Variants in EMC1 observed in about 807,000 individuals in gnomAD.
EMC1 encodes ER membrane protein complex subunit 1, also known as KIAA0090.
A neutral mutation model predicts 128.8 loss-of-function variants in EMC1; 103 were observed. The observed-to-expected ratio is 0.80, with a 90% CI of 0.68 to 0.94. The LOEUF is 0.94. Ranked by LOEUF, EMC1 falls within the 40% of genes least tolerant of loss-of-function variation. The pLI is 0.00. For synonymous variants in EMC1, 442 were observed against 490.4 expected, an observed-to-expected ratio of 0.90 and a Z score of 1.30; for missense variants, 1,083 against 1,250.6, an observed-to-expected ratio of 0.87 and a Z score of 2.02.
At position 19,245,627 on chromosome 1, in the gene EMC1, C is replaced by CTTTTGTTT. The variant is rs1553254684; in HGVS notation, c.96-598_96-597insAAACAAAA. Reference sequence around the variant, plus strand: ...ACACCCAAAAGGGCACCTTACCTTTCTTTTTTTTTTTTTTGAGACGAAGTC... The same window carrying CTTTTGTTT: ...ACACCCAAAAGGGCACCTTACCTTTCTTTTGTTTTTTTTTTTTTTTTTGAGACGAAGTC... On this transcript the variant is annotated intron_variant, in intron 1 of 22. Transcript: ENST00000477853. Among the ~76,000 whole-genome samples the CTTTTGTTT allele has an allele frequency of 3.2e-5, 4 of 123,140 alleles. 1 individual carries two copies. Among genetic ancestry groups the CTTTTGTTT allele is most frequent in the Non-Finnish European group, 4.8e-5 (3 of 62,108 alleles). The allele number at this position is 123,140 out of a possible 152,430, so 80.8% of individuals were successfully genotyped here.
At chr1:19,250,959 A>G (rs1269575057) in intron 1 of EMC1, among the ~76,000 whole-genome samples, 1 of 152,214 alleles carries the variant, frequency 6.6e-6, no homozygotes, top group African/African-American at 2.4e-5. Flanking sequence ...GACTAGGTTG[A>G]TGAGAGGGGA....
At chr1:19,248,320 C>T (rs1280491686) in intron 1 of EMC1, among the ~76,000 whole-genome samples, 4 of 152,170 alleles carry the variant, frequency 2.6e-5, no homozygotes, top group Admixed American at 2.6e-4. Flanking sequence ...ACCTCAGCCT[C>T]CCGAGTAGCT....
chr1:19,242,690 C>G (rs12042358), intron 4 of EMC1, among the ~76,000 whole-genome samples: 30 of 152,362 alleles, frequency 2.0e-4, no homozygotes, highest in Admixed American at 5.9e-4. Flanking sequence ...CTGAAACCAT[C>G]TGTATCTCCT....
intron 18 of EMC1, among the ~76,000 whole-genome samples, chr1:19,225,775 C>T (rs2093468084): frequency 6.7e-6 from 1 of 150,280 alleles, no homozygotes; most frequent in Non-Finnish European, 1.5e-5. Context: ...GCTGTGATCA[C>T]ACCACTGCAC....
rs987984046 is a variant in EMC1, at chr1:19,222,841, G to A, written c.2377-7C>T. 1 of 1,594,582 alleles carries A rather than the reference G, an allele frequency of 6.3e-7. No individual in the cohort carries two copies. The highest frequency in any genetic ancestry group is 1.7e-4 in the Middle Eastern group (1 of 5,970). On this transcript the variant is annotated splice_region_variant and splice_polypyrimidine_tract_variant and intron_variant, in intron 19 of 22. Coordinates refer to ENST00000477853, the MANE Select transcript of EMC1 (RefSeq NM_015047.3). ...TGGTGTTCCAGTACTGGTACTGCAG[G>A]GATAGGAGGTGGCAGCTCAGGGCTT...
rs775712500 is a variant in EMC1, at chr1:19,241,279, G to A, written c.510-137C>T. 14 of 926,954 alleles carry A rather than the reference G, an allele frequency of 1.5e-5. No individual in the cohort carries two copies. The African/African-American group carries it at 1.7e-4, about 11-fold the overall frequency. The allele number at this position is 926,954 out of a possible 1,614,324, so 57.4% of individuals were successfully genotyped here. ...TTTTGTTTGGCTCACACAGTTTGGG[G>A]GCTTTTGTTGTTGTTGTTCTTAATT... On this transcript the variant is annotated intron_variant, in intron 5 of 22. Transcript: ENST00000477853.
chr1:19,219,211 A>T lies in EMC1; in HGVS notation c.*92T>A. On this transcript the variant is annotated 3_prime_UTR_variant, in exon 23 of 23. Coordinates refer to ENST00000477853, the MANE Select transcript of EMC1 (RefSeq NM_015047.3). ...TTCTTAGCTGAGCACTGACACACACACATACTCCACCAATCCACCAAACTG... is the reference window on the plus strand; with the variant it reads ...TTCTTAGCTGAGCACTGACACACACTCATACTCCACCAATCCACCAAACTG... The T allele has an allele frequency of 7.8e-7, 1 of 1,290,234 alleles. No individual in the cohort carries two copies. The highest frequency in any genetic ancestry group is 1.1e-6 in the Non-Finnish European group (1 of 902,138). 79.9% of individuals were successfully genotyped at this position (1,290,234 alleles called of 1,614,324 possible). A position where few individuals can be genotyped will look rare whatever the true frequency, so the allele number is the denominator to read the frequency against.
rs2093623458 is a variant in EMC1, at chr1:19,244,635, G to C, written c.220+271C>G. 6 of 323,974 alleles carry C rather than the reference G, an allele frequency of 1.9e-5. No individual in the cohort carries two copies. In the South Asian group the frequency reaches 2.0e-4, roughly 11 times the overall value. 20.1% of individuals were successfully genotyped at this position (323,974 alleles called of 1,614,324 possible). ...CCCCAGGCTGGTCTCGAACTCCTGA[G>C]CTCAAGTGATCCTCCCGCCTGGGCT... is the stretch of plus-strand genomic sequence containing the variant. On this transcript the variant is annotated intron_variant, in intron 2 of 22. Coordinates refer to ENST00000477853, the MANE Select transcript of EMC1 (RefSeq NM_015047.3).
intron 6 of EMC1, chr1:19,240,700 T>C (rs2093600367): frequency 1.7e-6 from 1 of 576,088 alleles, no homozygotes; most frequent in Non-Finnish European, 3.1e-6. Context: ...TTTAAATACC[T>C]GGCACTTCAG....
chr1:19,220,550 T>G, intron 21 of EMC1: 1 of 419,912 alleles, frequency 2.4e-6, no homozygotes, highest in Non-Finnish European at 4.3e-6. Flanking sequence ...CCTAACATAG[T>G]ATATATTTTA....
intron 1 of EMC1, among the ~76,000 whole-genome samples, chr1:19,249,829 G>A (rs976134472): frequency 6.6e-6 from 1 of 152,074 alleles, no homozygotes; most frequent in Non-Finnish European, 1.5e-5. Context: ...TGAGCTGGGA[G>A]GGTCACTTGA....
At chr1:19,224,016 G>C (rs2093452133) in intron 18 of EMC1, among the ~76,000 whole-genome samples, 3 of 152,134 alleles carry the variant, frequency 2.0e-5, no homozygotes, top group Admixed American at 1.3e-4. Context: ...CAACTTACTT[G>C]ACCCACTAGT....
chr1:19,230,308 C>G (rs766026983), intron 17 of EMC1, among the ~76,000 whole-genome samples: 2 of 152,212 alleles, frequency 1.3e-5, no homozygotes, highest in African/African-American at 4.8e-5. Context: ...CGGTGGCTCA[C>G]GCCTGTAATC....
intron 17 of EMC1, among the ~76,000 whole-genome samples, chr1:19,230,013 CCTG>C (rs1363114400): frequency 2.0e-5 from 3 of 152,194 alleles, no homozygotes. Flanking sequence ...TCCAAACAGT[CCTG>C]CTAACAAGGC....
chr1:19,244,071 C>A, intron 2 of EMC1, 56 bp from the exon 3 acceptor site: 1 of 1,544,050 alleles, frequency 6.5e-7, no homozygotes, highest in Non-Finnish European at 8.9e-7. Flanking sequence ...ACCCAGAAGA[C>A]TAAGAAATAA....
intron 1 of EMC1, among the ~76,000 whole-genome samples, chr1:19,250,778 T>C (rs939800250): frequency 1.3e-5 from 2 of 151,658 alleles, no homozygotes; most frequent in Admixed American, 1.3e-4. Flanking sequence ...AGGCACAGAG[T>C]GGTTAAGTCA....
chr1:19,231,451 C>T, intron 15 of EMC1, 29 bp from the exon 16 acceptor site: 1 of 1,600,140 alleles, frequency 6.2e-7, no homozygotes, highest in Non-Finnish European at 8.5e-7. Context: ...CAGGCTCCAC[C>T]AACAAGAAAA....
chr1:19,219,873 A>C, intron 21 of EMC1, 175 bp from the exon 22 acceptor site: 1 of 619,544 alleles, frequency 1.6e-6, no homozygotes, highest in Non-Finnish European at 2.8e-6. Context: ...GAAGGACTAC[A>C]AGAAAGGAAG....
At chr1:19,223,704 T>C in intron 18 of EMC1, 135 bp from the exon 19 acceptor site, 3 of 746,738 alleles carry the variant, frequency 4.0e-6, no homozygotes, top group Non-Finnish European at 6.5e-6. Context: ...GCTTCCTGTT[T>C]GGAATTTCTC....
Sources: gnomAD v4.1 joint callset for allele counts (sites outside exome capture counted in the v4.1 genomes callset) on GRCh38, gnomAD v4.1.1 for gene constraint, MANE v1.5 for transcripts, NCBI Gene and HGNC (gene_info 2026-07-23, HGNC 2026-07-21) for gene names.